The following DOCK3 variants were observed in gnomAD, a reference collection of about 807,000 sequenced individuals.
The protein encoded by DOCK3 is dedicator of cytokinesis protein 3.
A neutral mutation model predicts 265.6 loss-of-function variants in DOCK3; 60 were observed. The ratio of observed to expected loss-of-function variants is 0.23; its 90% CI spans 0.18 to 0.28. The LOEUF (loss-of-function observed/expected upper bound fraction) is 0.28. Ranked by LOEUF, DOCK3 falls within the 10% of genes least tolerant of loss-of-function variation. The pLI is 1.00. For missense variants in DOCK3, 1,981 were observed against 2,594.3 expected (o/e 0.76, Z 5.14); for synonymous variants, 881 against 938.0 (o/e 0.94, Z 1.11).
At chr3:51,064,366 A>C (rs756217582) in intron 5 of DOCK3, 82 bp from the exon 6 acceptor site, 1 of 1,540,412 alleles carries the variant, frequency 6.5e-7, no homozygotes, top group Non-Finnish European at 8.9e-7. Flanking sequence ...AGCACTTTTC[A>C]TAGTTTAACT....
chr3:50,915,867 G>A (rs1291463214), intron 4 of DOCK3, among the ~76,000 whole-genome samples: 1 of 151,984 alleles, frequency 6.6e-6, no homozygotes, highest in Non-Finnish European at 1.5e-5. Context: ...AGCAGTAGGG[G>A]GAAGGTTAGG....
chr3:51,237,664 A>C (rs910649373), intron 21 of DOCK3, 74 bp downstream of exon 21: 1 of 1,308,486 alleles, frequency 7.6e-7, no homozygotes, highest in African/African-American at 1.5e-5. Context: ...GTTTAGCTGC[A>C]ACCAGCATTT....
At chr3:51,045,010 G>A (rs1043303656) in intron 5 of DOCK3, among the ~76,000 whole-genome samples, 1 of 152,036 alleles carries the variant, frequency 6.6e-6, no homozygotes, top group Non-Finnish European at 1.5e-5. Flanking sequence ...TATCATTTTT[G>A]TGTTCACTGG....
At chr3:50,859,099 T>C (rs942844679) in intron 3 of DOCK3, among the ~76,000 whole-genome samples, 1 of 151,990 alleles carries the variant, frequency 6.6e-6, no homozygotes, top group Non-Finnish European at 1.5e-5. Flanking sequence ...ATTGTCATCC[T>C]CCTGACTCTC....
At chr3:50,983,982 G>A (rs1451040256) in intron 5 of DOCK3, among the ~76,000 whole-genome samples, 1 of 152,172 alleles carries the variant, frequency 6.6e-6, no homozygotes, top group African/African-American at 2.4e-5. Context: ...TGCTTGTGGT[G>A]CACCTGGTCC....
chr3:50,788,545 A>G (rs1375715921), intron 2 of DOCK3, among the ~76,000 whole-genome samples: 2 of 152,210 alleles, frequency 1.3e-5, no homozygotes, highest in Non-Finnish European at 2.9e-5. Flanking sequence ...TATCTGGGCC[A>G]GCCACCTCCA....
intron 12 of DOCK3, among the ~76,000 whole-genome samples, chr3:51,191,449 C>T (rs1028494187): frequency 5.9e-5 from 9 of 152,102 alleles, no homozygotes; most frequent in African/African-American, 2.2e-4. Flanking sequence ...CCCTGCTGCT[C>T]CTACTTTTAT....
chr3:50,884,927 C>G (rs2048250327), intron 3 of DOCK3, among the ~76,000 whole-genome samples: 1 of 152,024 alleles, frequency 6.6e-6, no homozygotes, highest in African/African-American at 2.4e-5. Context: ...AGGGTTTACT[C>G]TTTGTGTTGT....
intron 32 of DOCK3, among the ~76,000 whole-genome samples, chr3:51,320,276 C>T (rs991428872): frequency 1.3e-5 from 2 of 152,312 alleles, no homozygotes; most frequent in African/African-American, 2.4e-5. Flanking sequence ...CTGTGCAATC[C>T]GGCCCAGATA....
intron 5 of DOCK3, among the ~76,000 whole-genome samples, chr3:50,964,359 A>G (rs1164056288): frequency 6.6e-6 from 1 of 152,218 alleles, no homozygotes; most frequent in African/African-American, 2.4e-5. Flanking sequence ...ATTACCAAAC[A>G]ATGATGTTAA....
At chr3:50,727,244 C>G (rs533346538) in intron 1 of DOCK3, among the ~76,000 whole-genome samples, 52 of 152,124 alleles carry the variant, frequency 3.4e-4, no homozygotes, top group South Asian at 2.3e-3. Context: ...AGGAAAAGTA[C>G]TTTAAAGATG....
At chr3:51,111,896 C>T (rs2083536355) in intron 9 of DOCK3, among the ~76,000 whole-genome samples, 1 of 152,062 alleles carries the variant, frequency 6.6e-6, no homozygotes, top group South Asian at 2.1e-4. Flanking sequence ...AGGCAAAGGA[C>T]ATGTACAGTC....
intron 5 of DOCK3, among the ~76,000 whole-genome samples, chr3:50,996,913 T>C (rs2078307671): frequency 1.3e-5 from 2 of 152,212 alleles, no homozygotes; most frequent in Admixed American, 6.5e-5. Context: ...GCTGAAGTAC[T>C]AACCTGTTTC....
At chr3:51,226,424 TG>T (rs2090328288) in intron 15 of DOCK3, among the ~76,000 whole-genome samples, 1 of 152,228 alleles carries the variant, frequency 6.6e-6, no homozygotes, top group Non-Finnish European at 1.5e-5. Context: ...ACCTTGCTTC[TG>T]TGTGTTGGCA....
intron 3 of DOCK3, among the ~76,000 whole-genome samples, chr3:50,849,443 C>A (rs951277562): frequency 5.9e-5 from 9 of 151,746 alleles, no homozygotes; most frequent in African/African-American, 2.2e-4. Flanking sequence ...AATATATATA[C>A]ATTTGCTTTA....
At chr3:50,913,352 A>ACT (rs1414457866) in intron 4 of DOCK3, among the ~76,000 whole-genome samples, 1 of 150,874 alleles carries the variant, frequency 6.6e-6, no homozygotes, top group Non-Finnish European at 1.5e-5. Context: ...AAGTCTTCCC[A>ACT]CTCTTTCCTT....
At chr3:50,946,094 T>TAAAAAAAA (rs35670695) in intron 5 of DOCK3, among the ~76,000 whole-genome samples, 1 of 91,716 alleles carries the variant, frequency 1.1e-5, no homozygotes, top group Non-Finnish European at 2.1e-5. Context: ...CCCCATCTCT[T>TAAAAAAAA]AAAAAAAAAA....
At chr3:51,022,460 T>C (rs541691522) in intron 5 of DOCK3, among the ~76,000 whole-genome samples, 3 of 152,328 alleles carry the variant, frequency 2.0e-5, no homozygotes, top group African/African-American at 2.4e-5. Context: ...TTTTTAAATA[T>C]TGCTTCTGCT....
chr3:50,852,286 G>A (rs189660136), intron 3 of DOCK3, among the ~76,000 whole-genome samples: 1 of 152,124 alleles, frequency 6.6e-6, no homozygotes, highest in Admixed American at 6.6e-5. Flanking sequence ...AATGGCTAAG[G>A]CATGCTAAAA....
Sources: allele counts gnomAD v4.1 joint callset (sites outside exome capture counted in the v4.1 genomes callset), GRCh38; gene constraint gnomAD v4.1.1; transcripts MANE v1.5; gene names NCBI Gene and HGNC (gene_info 2026-07-23, HGNC 2026-07-21).